Variants in SGK3 observed in about 807,000 individuals in gnomAD.
SGK3 encodes the protein serum/glucocorticoid regulated kinase family member 3.
In SGK3, 47 loss-of-function variants were observed where a neutral mutation model predicts 68.5. That is an observed-to-expected ratio of 0.69 (90% confidence interval 0.54 to 0.87). The LOEUF (loss-of-function observed/expected upper bound fraction) is 0.87, where lower values mean the gene tolerates loss of function less well. Ranked by LOEUF, SGK3 falls within the 40% of genes least tolerant of loss-of-function variation. SGK3 has a pLI of 0.00. For missense variants in SGK3, 479 were observed against 575.5 expected (o/e 0.83, Z 1.72); for synonymous variants, 181 against 189.1 (o/e 0.96, Z 0.35).
rs372515551 is a variant in SGK3 at position 66,840,002 on chromosome 8, G to A, written c.742-1G>A. 1.2e-6 allele frequency: 2 copies of A among 1,611,814 alleles called. No individual in the cohort carries two copies. The stretch of plus-strand genomic sequence containing the variant: ...CCCCACCCCCACAACCAATTTGACA[G>A]CTTTTTTTCCACTTACAAAGAGAAC... On this transcript the variant is annotated splice_acceptor_variant, in intron 10 of 16. Coordinates refer to ENST00000521198, the MANE Select transcript of SGK3 (RefSeq NM_001033578.3). LOFTEE classifies it high-confidence loss of function.
At chr8:66,729,970 G>A (rs1243662212) in intron 1 of SGK3, among the ~76,000 whole-genome samples, 1 of 151,766 alleles carries the variant, frequency 6.6e-6, no homozygotes. Flanking sequence ...TCAAACTCTC[G>A]ACCTCAGGTG....
chr8:66,734,688 T>C (rs1805267635), intron 1 of SGK3, among the ~76,000 whole-genome samples: 1 of 152,184 alleles, frequency 6.6e-6, no homozygotes, highest in Admixed American at 6.5e-5. Flanking sequence ...GGCTCACACC[T>C]GTAATCCCAG....
intron 1 of SGK3, among the ~76,000 whole-genome samples, chr8:66,727,056 A>G (rs890625979): frequency 9.9e-5 from 15 of 152,142 alleles, no homozygotes; most frequent in African/African-American, 3.4e-4. Flanking sequence ...ATGTTAGCTA[A>G]GTTCCTATTA....
intron 3 of SGK3, 57 bp downstream of exon 3, chr8:66,798,682 A>G: frequency 1.4e-6 from 2 of 1,435,210 alleles, no homozygotes; most frequent in Non-Finnish European, 9.6e-7. Flanking sequence ...AAAACCCAAA[A>G]TAAGAGAGAT....
intron 1 of SGK3, among the ~76,000 whole-genome samples, chr8:66,760,875 G>A (rs1405464544): frequency 6.6e-6 from 1 of 152,042 alleles, no homozygotes; most frequent in African/African-American, 2.4e-5. Context: ...TACTAAGCCG[G>A]GCGTAGTGGT....
intron 3 of SGK3, 64 bp downstream of exon 3, chr8:66,798,689 A>G (rs1807803874): frequency 7.1e-7 from 1 of 1,402,952 alleles, no homozygotes; most frequent in Non-Finnish European, 9.8e-7. Flanking sequence ...AAAATAAGAG[A>G]GATGTATTTG....
intron 16 of SGK3, among the ~76,000 whole-genome samples, chr8:66,852,694 T>C (rs1463998143): frequency 1.3e-5 from 2 of 152,340 alleles, no homozygotes; most frequent in African/African-American, 2.4e-5. Flanking sequence ...CTGGTATTAA[T>C]TAATAGGTGT....
intron 1 of SGK3, among the ~76,000 whole-genome samples, chr8:66,738,360 CT>C (rs1805384150): frequency 6.6e-6 from 1 of 152,174 alleles, no homozygotes; most frequent in African/African-American, 2.4e-5. Context: ...CTCCATATTG[CT>C]TTAAAAGTGC....
intron 1 of SGK3, among the ~76,000 whole-genome samples, chr8:66,733,345 T>C (rs1435062600): frequency 6.6e-6 from 1 of 152,218 alleles, no homozygotes; most frequent in Non-Finnish European, 1.5e-5. Context: ...TTCAGTAGTA[T>C]AGTTATTATT....
At chr8:66,857,579 C>G (rs1810564619) in intron 16 of SGK3, among the ~76,000 whole-genome samples, 1 of 151,824 alleles carries the variant, frequency 6.6e-6, no homozygotes, top group Admixed American at 6.6e-5. Flanking sequence ...CCTAGGAGTT[C>G]AAGACCAGCC....
chr8:66,719,868 A>G (rs368227868), intron 1 of SGK3, among the ~76,000 whole-genome samples: 54 of 152,244 alleles, frequency 3.5e-4, no homozygotes, highest in African/African-American at 1.3e-3. Context: ...GCAAGCGGCT[A>G]TTAGCATTTT....
At chr8:66,854,459 T>A (rs558006704) in intron 16 of SGK3, among the ~76,000 whole-genome samples, 2 of 151,856 alleles carry the variant, frequency 1.3e-5, no homozygotes, top group South Asian at 2.1e-4. Context: ...GTGATAGGAG[T>A]GGCTTGGCCA....
intron 6 of SGK3, among the ~76,000 whole-genome samples, chr8:66,828,102 C>T (rs1211904152): frequency 1.3e-5 from 2 of 149,176 alleles, no homozygotes; most frequent in Non-Finnish European, 3.0e-5. Flanking sequence ...CCAGCCTGGG[C>T]GACAGAGGGA....
chr8:66,727,068 C>G (rs1805006276), intron 1 of SGK3, among the ~76,000 whole-genome samples: 1 of 151,956 alleles, frequency 6.6e-6, no homozygotes, highest in Non-Finnish European at 1.5e-5. Flanking sequence ...TTCCTATTAA[C>G]CAAGTAAAGA....
chr8:66,734,422 A>G (rs1416210051), intron 1 of SGK3, among the ~76,000 whole-genome samples: 1 of 152,062 alleles, frequency 6.6e-6, no homozygotes, highest in Non-Finnish European at 1.5e-5. Flanking sequence ...GAAAACCAAA[A>G]TAAATTTTCT....
intron 1 of SGK3, among the ~76,000 whole-genome samples, chr8:66,717,073 T>C (rs4073730): frequency 0.14 from 21,027 of 149,336 alleles, 2,835 homozygotes; most frequent in African/African-American, 0.35. Context: ...GGCATGGTGG[T>C]GCATGCCTGT....
At chr8:66,791,629 G>C (rs1454671173) in intron 1 of SGK3, among the ~76,000 whole-genome samples, 2 of 152,158 alleles carry the variant, frequency 1.3e-5, no homozygotes, top group Non-Finnish European at 2.9e-5. Flanking sequence ...GCTTCTGTGG[G>C]CTATAGCACA....
chr8:66,827,988 G>A (rs1435809816), intron 6 of SGK3, among the ~76,000 whole-genome samples: 1 of 152,072 alleles, frequency 6.6e-6, no homozygotes, highest in East Asian at 1.9e-4. Context: ...GCCGGGTGTG[G>A]TGGTGGGCAC....
At chr8:66,831,911 CT>C (rs1257100306) in intron 8 of SGK3, among the ~76,000 whole-genome samples, 1 of 151,478 alleles carries the variant, frequency 6.6e-6, no homozygotes, top group Non-Finnish European at 1.5e-5. Context: ...TGGTTACTAC[CT>C]TTGTGGTGCT....
Sources: allele counts gnomAD v4.1 joint callset (sites outside exome capture counted in the v4.1 genomes callset), GRCh38; gene constraint gnomAD v4.1.1; transcripts MANE v1.5; gene names NCBI Gene and HGNC (gene_info 2026-07-23, HGNC 2026-07-21).